The following RBFOX3 variants were observed in gnomAD, a reference collection of about 807,000 sequenced individuals.
RBFOX3 encodes RNA binding protein fox-1 homolog 3.
Under a neutral mutation model 48.7 loss-of-function variants are expected in RBFOX3, and 17 were observed. That is an observed-to-expected ratio of 0.35 (90% CI 0.24 to 0.52). The LOEUF (loss-of-function observed/expected upper bound fraction) is 0.52. RBFOX3 is among the 20% of genes least tolerant of loss of function. RBFOX3 has a pLI of 0.94. For missense variants in RBFOX3, 382 were observed against 497.5 expected (o/e 0.77, Z 2.21); for synonymous variants, 212 against 209.5 (o/e 1.01, Z -0.10).
intron 2 of RBFOX3, among the ~76,000 whole-genome samples, chr17:79,476,367 T>C (rs1372338525): frequency 6.6e-6 from 1 of 152,268 alleles, no homozygotes; most frequent in African/African-American, 2.4e-5. Flanking sequence ...TGGCCCGTTT[T>C]TCTATTTTTT....
intron 1 of RBFOX3, among the ~76,000 whole-genome samples, chr17:79,484,934 G>A (rs2079341650): frequency 6.6e-6 from 1 of 152,202 alleles, no homozygotes. Flanking sequence ...GTCCCCTTGG[G>A]GCTTTCAGGG....
rs1018880885 is a variant in RBFOX3, at chr17:79,374,109, T to C, written c.-174-66285A>G. 3.9e-5 allele frequency among the ~76,000 whole-genome samples: 6 copies of C among 152,338 alleles called. No homozygotes were observed. In the East Asian group the frequency reaches 1.2e-3, roughly 29 times the overall value. On this transcript the variant is annotated intron_variant, in intron 2 of 14. Coordinates refer to ENST00000693108, the MANE Select transcript of RBFOX3 (RefSeq NM_001350451.2). The stretch of plus-strand genomic sequence containing the variant: ...CACTCCTGACCTCAGGTGATCCACC[T>C]GCCTCGGCCTCCCAAAGTGCGGCGA...
chr17:79,367,269 T>A (rs2057909382), intron 2 of RBFOX3, among the ~76,000 whole-genome samples: 1 of 133,196 alleles, frequency 7.5e-6, no homozygotes, highest in Admixed American at 7.4e-5. Context: ...TTTTCTTCTT[T>A]CATCTCCTCC....
intron 2 of RBFOX3, among the ~76,000 whole-genome samples, chr17:79,331,192 T>C (rs2080229722): frequency 1.3e-5 from 2 of 152,172 alleles, no homozygotes; most frequent in African/African-American, 4.8e-5. Flanking sequence ...TCCCTGAGCC[T>C]CATGGACTTC....
chr17:79,432,670 C>T (rs1010942253), intron 2 of RBFOX3, among the ~76,000 whole-genome samples: 2 of 151,824 alleles, frequency 1.3e-5, no homozygotes, highest in South Asian at 2.1e-4. Flanking sequence ...GTGAAGGGAA[C>T]GGGTTCATTT....
chr17:79,287,111 A>C (rs979467982), intron 3 of RBFOX3, among the ~76,000 whole-genome samples: 2 of 152,244 alleles, frequency 1.3e-5, no homozygotes, highest in Non-Finnish European at 2.9e-5. Flanking sequence ...TGCTGTTGGC[A>C]GACCAGTGAC....
chr17:79,502,525 T>A (rs2082522019), intron 1 of RBFOX3, among the ~76,000 whole-genome samples: 1 of 152,234 alleles, frequency 6.6e-6, no homozygotes, highest in African/African-American at 2.4e-5. Flanking sequence ...TTATGCATAT[T>A]TTACCACAGT....
intron 4 of RBFOX3, among the ~76,000 whole-genome samples, chr17:79,135,498 C>T (rs1259779087): frequency 6.6e-6 from 1 of 152,174 alleles, no homozygotes; most frequent in East Asian, 1.9e-4. Context: ...CAGGATGCCC[C>T]CTTCCCAAGA....
intron 2 of RBFOX3, among the ~76,000 whole-genome samples, chr17:79,415,733 G>A (rs747812765): frequency 1.1e-4 from 17 of 152,306 alleles, no homozygotes; most frequent in South Asian, 4.1e-4. Context: ...CCTGCCTGAC[G>A]TTTAGGTGAA....
At chr17:79,137,629 T>TGGCGC (rs2040539917) in intron 4 of RBFOX3, among the ~76,000 whole-genome samples, 1 of 151,992 alleles carries the variant, frequency 6.6e-6, no homozygotes, top group South Asian at 2.1e-4. Flanking sequence ...GCCAAGCTGC[T>TGGCGC]GGCGCCTGGC....
chr17:79,182,407 C>G (rs1245781726), intron 4 of RBFOX3, among the ~76,000 whole-genome samples: 1 of 152,190 alleles, frequency 6.6e-6, no homozygotes, highest in East Asian at 1.9e-4. Flanking sequence ...CAGGCTGGCG[C>G]CGGGAACTGC....
intron 3 of RBFOX3, among the ~76,000 whole-genome samples, chr17:79,268,818 TTC>T (rs2143528890): frequency 6.6e-6 from 1 of 152,302 alleles, no homozygotes; most frequent in South Asian, 2.1e-4. Flanking sequence ...TCTTTCCTCT[TTC>T]TCTCATTCCT....
intron 1 of RBFOX3, among the ~76,000 whole-genome samples, chr17:79,585,430 G>A (rs998481131): frequency 9.8e-4 from 149 of 152,010 alleles, no homozygotes; most frequent in Middle Eastern, 6.8e-3. Flanking sequence ...GGTTGCAGGA[G>A]CCTGTAATCC....
chr17:79,595,059 A>T (rs2093531696), intron 1 of RBFOX3, among the ~76,000 whole-genome samples: 3 of 152,200 alleles, frequency 2.0e-5, no homozygotes, highest in African/African-American at 7.2e-5. Context: ...CCCTCAGAAG[A>T]CGCTGATCCC....
At chr17:79,283,587 T>C (rs1567974077) in intron 3 of RBFOX3, among the ~76,000 whole-genome samples, 1 of 152,270 alleles carries the variant, frequency 6.6e-6, no homozygotes, top group Non-Finnish European at 1.5e-5. Context: ...GATTTAAAAG[T>C]ACACGGAATC....
chr17:79,625,291 C>T, the RBFOX3 span, among the ~76,000 whole-genome samples: 4 of 152,294 alleles, frequency 2.6e-5, no homozygotes, highest in South Asian at 8.3e-4. Context: ...TGGCTGCCTT[C>T]CCTCAGCACC....
intron 2 of RBFOX3, among the ~76,000 whole-genome samples, chr17:79,318,309 A>G (rs945375841): frequency 1.2e-4 from 18 of 152,184 alleles, no homozygotes; most frequent in African/African-American, 4.3e-4. Flanking sequence ...TCCAGCACGG[A>G]GGATGCTGCT....
intron 2 of RBFOX3, among the ~76,000 whole-genome samples, chr17:79,451,241 A>G (rs1384745759): frequency 6.6e-6 from 1 of 152,206 alleles, no homozygotes; most frequent in Admixed American, 6.5e-5. Flanking sequence ...AAAAAAATAC[A>G]TTAGGAAATT....
At chr17:79,102,417 G>A (rs2076616897) in intron 8 of RBFOX3, among the ~76,000 whole-genome samples, 1 of 152,214 alleles carries the variant, frequency 6.6e-6, no homozygotes, top group Admixed American at 6.5e-5. Flanking sequence ...CTCCTCTCAG[G>A]CCCTTCACTG....
Sources: allele counts gnomAD v4.1 joint callset (sites outside exome capture counted in the v4.1 genomes callset), GRCh38; gene constraint gnomAD v4.1.1; transcripts MANE v1.5; gene names NCBI Gene and HGNC (gene_info 2026-07-23, HGNC 2026-07-21).